KCNQ1: variants seen among roughly 807,000 people sequenced by gnomAD.
The protein encoded by KCNQ1 is potassium voltage-gated channel subfamily KQT member 1.
A neutral mutation model predicts 72.4 loss-of-function variants in KCNQ1; 49 were observed. The ratio of observed to expected loss-of-function variants is 0.68; its 90% CI spans 0.54 to 0.86. The LOEUF (loss-of-function observed/expected upper bound fraction) is 0.86, where lower values mean the gene tolerates loss of function less well. Among genes scored for constraint, KCNQ1 ranks in the 40% least tolerant of loss-of-function variants. The pLI is 0.00. For synonymous variants in KCNQ1, 450 were observed against 412.6 expected (o/e 1.09, Z -1.10); for missense variants, 790 against 945.1 (o/e 0.84, Z 2.15).
In KCNQ1 at chr11:2,664,747, G is replaced by C. The variant is rs898697504; in HGVS notation, c.1514+2666G>C. On this transcript the variant is annotated intron_variant, in intron 11 of 15. Transcript: ENST00000155840. The surrounding 1 kb of genome is among the most constrained non-coding windows in gnomAD (Gnocchi z 5.1). ...TGGTGTGTGTGAGGGACAGGGATGTGTGCTGGGGTCTCACAGGGGGCAGAG... is the reference window on the plus strand; with the variant it reads ...TGGTGTGTGTGAGGGACAGGGATGTCTGCTGGGGTCTCACAGGGGGCAGAG... 2.5e-6 allele frequency: 1 copy of C among 398,670 alleles called. No individual in the cohort carries two copies. Among genetic ancestry groups the C allele is most frequent in the Admixed American group, 4.4e-5 (1 of 22,724 alleles). 24.7% of individuals were successfully genotyped at this position (398,670 alleles called of 1,614,324 possible).
chr11:2,666,502 C>A (rs1850070572), intron 11 of KCNQ1: 6 of 398,584 alleles, frequency 1.5e-5, no homozygotes, highest in Non-Finnish European at 2.2e-5. Flanking sequence ...TCTTTTCCAG[C>A]AAGGCCGCTG....
chr11:2,691,577 C>T lies in KCNQ1; in HGVS notation c.1514+29496C>T, dbSNP rs557949470. On this transcript the variant is annotated intron_variant, in intron 11 of 15. Coordinates refer to ENST00000155840, the MANE Select transcript of KCNQ1 (RefSeq NM_000218.3). This position sits in a 1 kb window ranked among gnomAD's most constrained non-coding sequence, Gnocchi z 6.4. The stretch of plus-strand genomic sequence containing the variant: ...AGGTTATGAAATACCTCAGCAAGGA[C>T]GAGGCCTCCCTGAGGGAGTCAACCT... The T allele has an allele frequency of 2.5e-5, 10 of 398,430 alleles. No homozygotes were observed. Among genetic ancestry groups the T allele is most frequent in the African/African-American group, 1.0e-4 (5 of 48,586 alleles). The allele number at this position is 398,430 out of a possible 1,614,324, so 24.7% of individuals were successfully genotyped here. A position where few individuals can be genotyped will look rare whatever the true frequency, so the allele number is the denominator to read the frequency against.
chr11:2,452,512 C>T (rs1020839424), intron 1 of KCNQ1, among the ~76,000 whole-genome samples: 5 of 138,938 alleles, frequency 3.6e-5, no homozygotes, highest in Non-Finnish European at 4.9e-5. Context: ...CCACCCTGCC[C>T]CAAAGAGGGG....
rs907202821 is a variant in KCNQ1, at chr11:2,746,196, C to T, written c.1515-22648C>T. On this transcript the variant is annotated intron_variant, in intron 11 of 15. Coordinates refer to ENST00000155840, the MANE Select transcript of KCNQ1 (RefSeq NM_000218.3). The surrounding 1 kb of genome is among the most constrained non-coding windows in gnomAD (Gnocchi z 5.9). ...TGAGGCACCATGCCCAGCCTCTTGC[C>T]GTCATTTTTTTTATTTTAAATAAAC... Among the ~76,000 whole-genome samples the T allele has an allele frequency of 3.3e-5, 5 of 152,100 alleles. No homozygotes were observed. The highest frequency in any genetic ancestry group is 2.0e-4 in the Admixed American group (3 of 15,268).
Position 2,612,153 on chromosome 11 carries a change from T to A in KCNQ1, c.1393+23299T>A, listed in dbSNP as rs1172023946. ...TACCAGTCTGTGGCCTATTAGAAAC[T>A]GGGCTACACAGCAGGAGGTGAGCAG... On this transcript the variant is annotated intron_variant, in intron 10 of 15. Coordinates refer to ENST00000155840, the MANE Select transcript of KCNQ1 (RefSeq NM_000218.3). The surrounding 1 kb of genome is among the most constrained non-coding windows in gnomAD (Gnocchi z 5.5). 2.3e-5 allele frequency: 9 copies of A among 398,504 alleles called. No individual in the cohort carries two copies. Among genetic ancestry groups the A allele is most frequent in the Non-Finnish European group, 3.5e-5 (8 of 226,068 alleles). 24.7% of individuals were successfully genotyped at this position (398,504 alleles called of 1,614,324 possible).
intron 15 of KCNQ1, among the ~76,000 whole-genome samples, chr11:2,779,467 G>T (rs575406843): frequency 1.3e-5 from 2 of 152,232 alleles, no homozygotes; most frequent in Admixed American, 1.3e-4. Flanking sequence ...CTTCCATCTC[G>T]GCTGCAGCCA....
Position 2,465,142 on chromosome 11 carries a change from C to T in KCNQ1, c.386+19658C>T, listed in dbSNP as rs545244434. On this transcript the variant is annotated intron_variant, in intron 1 of 15. Transcript: ENST00000155840. Reference sequence around the variant, plus strand: ...CCTAACCTTCCATGGGCCACAGGCCCCTTCCCAGAAGTTTTTTTATTTTTT... The same window carrying T: ...CCTAACCTTCCATGGGCCACAGGCCTCTTCCCAGAAGTTTTTTTATTTTTT... Among the ~76,000 whole-genome samples, 272 of 152,322 alleles carry T rather than the reference C, an allele frequency of 1.8e-3. 2 individuals carry two copies. Among genetic ancestry groups the T allele is most frequent in the African/African-American group, 5.9e-3 (247 of 41,568 alleles).
In KCNQ1 at chr11:2,621,687, T is replaced by C. The variant is rs1325667497; in HGVS notation, c.1393+32833T>C. On this transcript the variant is annotated intron_variant, in intron 10 of 15. Coordinates refer to ENST00000155840, the MANE Select transcript of KCNQ1 (RefSeq NM_000218.3). This position sits in a 1 kb window ranked among gnomAD's most constrained non-coding sequence, Gnocchi z 5.7. Reference sequence around the variant, plus strand: ...GTTGGGATATAATTGTTCATAAAAGTCCCTTATGATCCTTTTTATTTCTGA... The same window carrying C: ...GTTGGGATATAATTGTTCATAAAAGCCCCTTATGATCCTTTTTATTTCTGA... 7.5e-6 allele frequency: 3 copies of C among 398,336 alleles called. No individual in the cohort carries two copies. Among genetic ancestry groups the C allele is most frequent in the African/African-American group, 6.2e-5 (3 of 48,622 alleles). The allele number at this position is 398,336 out of a possible 1,614,324, so 24.7% of individuals were successfully genotyped here. A position where few individuals can be genotyped will look rare whatever the true frequency, so the allele number is the denominator to read the frequency against.
chr11:2,534,460 G>A (rs1310208344), intron 2 of KCNQ1, among the ~76,000 whole-genome samples: 1 of 152,218 alleles, frequency 6.6e-6, no homozygotes, highest in Non-Finnish European at 1.5e-5. Context: ...CCCACCCCGA[G>A]GTCTGACTCC....
chr11:2,837,415 A>G (rs904194398), intron 15 of KCNQ1, among the ~76,000 whole-genome samples: 2 of 152,076 alleles, frequency 1.3e-5, no homozygotes, highest in Non-Finnish European at 2.9e-5. Flanking sequence ...CCGTTCCCAG[A>G]CACGCCCGGG....
chr11:2,567,582 T>G lies in KCNQ1; in HGVS notation c.478-3046T>G, dbSNP rs1311082872. 1.3e-5 allele frequency among the ~76,000 whole-genome samples: 2 copies of G among 152,220 alleles called. No individual in the cohort carries two copies. The highest frequency in any genetic ancestry group is 2.9e-5 in the Non-Finnish European group (2 of 68,034). On this transcript the variant is annotated intron_variant, in intron 2 of 15. Coordinates refer to ENST00000155840, the MANE Select transcript of KCNQ1 (RefSeq NM_000218.3). The surrounding 1 kb of genome is among the most constrained non-coding windows in gnomAD (Gnocchi z 6.6). ...TTTATCTCTGAGCAAACATTCCATC[T>G]TGCTGTTTCCAGCCTAGAGATGGTG...
Position 2,536,067 on chromosome 11 carries a change from C to T in KCNQ1, c.477+8049C>T, listed in dbSNP as rs1031987534. ...CACTGGCCACATGCTCTGCCGAGCA[C>T]ACCCGCTGCTGTCCCCAGCCACCCA... On this transcript the variant is annotated intron_variant, in intron 2 of 15. Coordinates refer to ENST00000155840, the MANE Select transcript of KCNQ1 (RefSeq NM_000218.3). The surrounding 1 kb of genome is among the most constrained non-coding windows in gnomAD (Gnocchi z 7.4). Among the ~76,000 whole-genome samples the T allele has an allele frequency of 2.0e-5, 3 of 152,216 alleles. No homozygotes were observed. Among genetic ancestry groups the T allele is most frequent in the Non-Finnish European group, 4.4e-5 (3 of 68,032 alleles).
intron 12 of KCNQ1, among the ~76,000 whole-genome samples, chr11:2,773,773 C>G (rs1344826317): frequency 9.0e-6 from 1 of 110,702 alleles, no homozygotes; most frequent in Non-Finnish European, 2.1e-5. Flanking sequence ...AAAGGAGAAT[C>G]AAGGCTCAGC....
intron 12 of KCNQ1, among the ~76,000 whole-genome samples, chr11:2,770,088 G>A (rs1403775109): frequency 6.6e-6 from 1 of 152,120 alleles, no homozygotes; most frequent in Non-Finnish European, 1.5e-5. Flanking sequence ...CCATCCAGAC[G>A]GACTGACAGT....
chr11:2,666,988 G>T, intron 11 of KCNQ1: 1 of 398,752 alleles, frequency 2.5e-6, no homozygotes, highest in Non-Finnish European at 4.4e-6. Context: ...CGGGAGGGCT[G>T]TACAGGGCTG....
Position 2,809,250 on chromosome 11 carries a change from T to G in KCNQ1, c.1794+31213T>G, listed in dbSNP as rs1847439382. On this transcript the variant is annotated intron_variant, in intron 15 of 15. Transcript: ENST00000155840. The surrounding 1 kb of genome is among the most constrained non-coding windows in gnomAD (Gnocchi z 7.1). ...AACAGAAGGAATTGCTGAATTCAGA[T>G]AAATGTTTCTTCACCAAAAGAGAAA... 6.6e-6 allele frequency among the ~76,000 whole-genome samples: 1 copy of G among 152,212 alleles called. No homozygotes were observed. Among genetic ancestry groups the G allele is most frequent in the Non-Finnish European group, 1.5e-5 (1 of 68,030 alleles).
chr11:2,722,656 G>A (rs527995485), intron 11 of KCNQ1, among the ~76,000 whole-genome samples: 2 of 152,216 alleles, frequency 1.3e-5, no homozygotes, highest in Admixed American at 6.5e-5. Context: ...CGGCAGTGGC[G>A]GACCGAGAGT....
In KCNQ1 at chr11:2,583,527, C is replaced by A; in HGVS notation, c.1014C>A (p.Ser338=). The change falls in exon 7 of 16, where the codon TCC becomes TCA. Residue 338 remains serine, a synonymous_variant. Transcript: ENST00000155840. The part of the protein sequence containing the change: ...IASCFSVFAI[S]FFALPAGILG... The stretch of plus-strand genomic sequence containing the variant: ...CCTGCTTCTCTGTCTTTGCCATCTC[C>A]TTCTTTGCGCTCCCAGCGGTAGGTG... The A allele has an allele frequency of 6.2e-7, 1 of 1,613,526 alleles. No individual in the cohort carries two copies. The highest frequency in any genetic ancestry group is 8.5e-7 in the Non-Finnish European group (1 of 1,179,470).
At chr11:2,578,389 A>G (rs983249323) in intron 6 of KCNQ1, among the ~76,000 whole-genome samples, 1 of 152,198 alleles carries the variant, frequency 6.6e-6, no homozygotes, top group African/African-American at 2.4e-5. Flanking sequence ...GCCCTCACTC[A>G]TAGGGCATTG....
Sources: gnomAD v4.1 joint callset for allele counts (sites outside exome capture counted in the v4.1 genomes callset) on GRCh38, gnomAD v4.1.1 for gene constraint, Gnocchi (gnomAD v3.1) non-coding constraint, MANE v1.5 for transcripts, NCBI Gene and HGNC (gene_info 2026-07-23, HGNC 2026-07-21) for gene names.